RBMS3: variants seen among roughly 807,000 people sequenced by gnomAD.
RBMS3 encodes the protein RNA-binding motif, single-stranded-interacting protein 3.
RBMS3 carries 27 observed loss-of-function variants against 66.8 expected under a neutral mutation model. The observed-to-expected ratio is 0.40, with a 90% CI of 0.30 to 0.56. The LOEUF (loss-of-function observed/expected upper bound fraction) is 0.56, where lower values mean the gene tolerates loss of function less well. Among genes scored for constraint, RBMS3 ranks in the 20% least tolerant of loss-of-function variants. The pLI is 0.40. For missense variants in RBMS3, 513 were observed against 549.5 expected, an observed-to-expected ratio of 0.93 and a Z score of 0.66; for synonymous variants, 188 against 183.0, an observed-to-expected ratio of 1.03 and a Z score of -0.22.
chr3:29,991,021 A>T lies in RBMS3; in HGVS notation c.1180-61A>T, dbSNP rs370206981. 8.0e-5 allele frequency: 122 copies of T among 1,534,554 alleles called. No individual in the cohort carries two copies. The African/African-American group carries it at 1.3e-3, about 16-fold the overall frequency. On this transcript the variant is annotated intron_variant, in intron 13 of 14. Coordinates refer to ENST00000383767, the MANE Select transcript of RBMS3 (RefSeq NM_001003793.3). ...AATAGAAGAGGGGTACTTACAGCCT[A>T]TCTAGAGAGGGCCCTTCACTGAAGC...
At chr3:29,773,141 A>T (rs1020411254) in intron 6 of RBMS3, among the ~76,000 whole-genome samples, 3 of 151,982 alleles carry the variant, frequency 2.0e-5, no homozygotes, top group Non-Finnish European at 4.4e-5. Context: ...CCTCGAGGTT[A>T]TAATCAACTT....
intron 4 of RBMS3, among the ~76,000 whole-genome samples, chr3:29,588,744 A>G (rs2047621155): frequency 6.6e-6 from 1 of 152,108 alleles, no homozygotes; most frequent in South Asian, 2.1e-4. Context: ...TTTAATTAAT[A>G]AGGAAATTAT....
intron 7 of RBMS3, among the ~76,000 whole-genome samples, chr3:29,881,574 C>G (rs2059737966): frequency 6.6e-6 from 1 of 152,122 alleles, no homozygotes; most frequent in African/African-American, 2.4e-5. Flanking sequence ...CCACTGTACC[C>G]TACTGATGTC....
chr3:29,979,742 C>T (rs1213850661), intron 12 of RBMS3, among the ~76,000 whole-genome samples: 2 of 152,120 alleles, frequency 1.3e-5, no homozygotes, highest in East Asian at 3.8e-4. Flanking sequence ...CAGCTTTATC[C>T]ATGTCCCTGC....
At chr3:29,701,480 T>C (rs763197856) in intron 4 of RBMS3, among the ~76,000 whole-genome samples, 8 of 152,210 alleles carry the variant, frequency 5.3e-5, no homozygotes, top group Non-Finnish European at 1.0e-4. Flanking sequence ...CTGGCCGTGC[T>C]TGAGGAGCCC....
At chr3:29,964,100 G>T (rs982690608) in intron 12 of RBMS3, among the ~76,000 whole-genome samples, 1 of 152,128 alleles carries the variant, frequency 6.6e-6, no homozygotes, top group Non-Finnish European at 1.5e-5. Flanking sequence ...GTGTGTTTCT[G>T]AAATGCTTAT....
At chr3:29,601,610 C>T (rs947451855) in intron 4 of RBMS3, among the ~76,000 whole-genome samples, 12 of 151,910 alleles carry the variant, frequency 7.9e-5, no homozygotes, top group African/African-American at 2.9e-4. Context: ...TGCCAATAAT[C>T]CTCGAGTATT....
At chr3:29,625,716 A>G (rs187516817) in intron 4 of RBMS3, among the ~76,000 whole-genome samples, 8 of 141,644 alleles carry the variant, frequency 5.6e-5, no homozygotes, top group South Asian at 2.3e-4. Flanking sequence ...AAATAAATAA[A>G]TAAATAAATA....
In RBMS3 at chr3:30,004,945, C is replaced by CCA. The variant is rs1699764073; in HGVS notation, c.*1083_*1084insCA. 7.5e-6 allele frequency: 1 copy of CCA among 133,360 alleles called. No individual in the cohort carries two copies. The highest frequency in any genetic ancestry group is 7.3e-5 in the Admixed American group (1 of 13,690). The allele number at this position is 133,360 out of a possible 1,614,324, so 8.3% of individuals were successfully genotyped here. A position where few individuals can be genotyped will look rare whatever the true frequency, so the allele number is the denominator to read the frequency against. The stretch of plus-strand genomic sequence containing the variant: ...TGGTCAAAAAGTGCAAAAAAAAAAA[C>CCA]AAAAAAAAAGCAATAGATAGAGAAA... On this transcript the variant is annotated 3_prime_UTR_variant, in exon 15 of 15. Coordinates refer to ENST00000383767, the MANE Select transcript of RBMS3 (RefSeq NM_001003793.3).
intron 10 of RBMS3, among the ~76,000 whole-genome samples, chr3:29,930,483 A>C (rs2061090666): frequency 6.6e-6 from 1 of 151,890 alleles, no homozygotes; most frequent in African/African-American, 2.4e-5. Context: ...GCTTATGGAT[A>C]TATGTATATA....
chr3:29,741,697 C>A (rs1191273668), intron 5 of RBMS3, among the ~76,000 whole-genome samples: 1 of 152,172 alleles, frequency 6.6e-6, no homozygotes, highest in Admixed American at 6.5e-5. Flanking sequence ...TCTGTCATAA[C>A]AAAATGTCAC....
At chr3:29,622,166 T>A (rs900047762) in intron 4 of RBMS3, among the ~76,000 whole-genome samples, 1 of 152,196 alleles carries the variant, frequency 6.6e-6, no homozygotes, top group African/African-American at 2.4e-5. Flanking sequence ...TTAGAAACTG[T>A]GCTGTAGGTA....
chr3:29,991,074 C>G lies in RBMS3; in HGVS notation c.1180-8C>G. 3 of 1,613,826 alleles carry G rather than the reference C, an allele frequency of 1.9e-6. No homozygotes were observed. The highest frequency in any genetic ancestry group is 2.2e-5 in the East Asian group (1 of 44,850). Reference sequence around the variant, plus strand: ...GTAAGGCTTTTATGTTCTTATTTGCCTCCTTAGGGTGTTGTTGCTGATACC... The same window carrying G: ...GTAAGGCTTTTATGTTCTTATTTGCGTCCTTAGGGTGTTGTTGCTGATACC... On this transcript the variant is annotated splice_region_variant and splice_polypyrimidine_tract_variant and intron_variant, in intron 13 of 14. Transcript: ENST00000383767.
chr3:29,458,359 G>T (rs1333373651), intron 2 of RBMS3, among the ~76,000 whole-genome samples: 1 of 152,124 alleles, frequency 6.6e-6, no homozygotes, highest in African/African-American at 2.4e-5. Context: ...ATGACTCATG[G>T]TTTATTCTTT....
chr3:29,440,072 A>G (rs958404273), intron 2 of RBMS3, among the ~76,000 whole-genome samples: 12 of 152,350 alleles, frequency 7.9e-5, no homozygotes, highest in Middle Eastern at 3.4e-3. Context: ...CATATAAGTT[A>G]TATTTTGTCC....
chr3:29,482,092 T>C (rs758873123), intron 2 of RBMS3, among the ~76,000 whole-genome samples: 1 of 152,156 alleles, frequency 6.6e-6, no homozygotes, highest in Non-Finnish European at 1.5e-5. Flanking sequence ...CTTTCTATAT[T>C]AGTTGGCCAA....
chr3:29,515,888 G>A (rs62236919), intron 3 of RBMS3, among the ~76,000 whole-genome samples: 6,964 of 152,312 alleles, frequency 0.046, 517 homozygotes, highest in East Asian at 0.37. Flanking sequence ...TAACATGGTC[G>A]TGGGTTCTTA....
intron 1 of RBMS3, among the ~76,000 whole-genome samples, chr3:29,301,996 T>C (rs937293066): frequency 2.0e-5 from 3 of 151,936 alleles, no homozygotes; most frequent in African/African-American, 7.2e-5. Context: ...TATCACCAAG[T>C]ACAATATTAA....
At chr3:29,404,061 C>A (rs1276194472) in intron 1 of RBMS3, among the ~76,000 whole-genome samples, 3 of 152,082 alleles carry the variant, frequency 2.0e-5, no homozygotes, top group Admixed American at 1.3e-4. Flanking sequence ...GGGCTGATGT[C>A]CAGCAGTGCT....
Sources: gnomAD v4.1 joint callset for allele counts (sites outside exome capture counted in the v4.1 genomes callset) on GRCh38, gnomAD v4.1.1 for gene constraint, MANE v1.5 for transcripts, NCBI Gene and HGNC (gene_info 2026-07-23, HGNC 2026-07-21) for gene names.